The following TTC38 variants were observed in gnomAD, a reference collection of about 807,000 sequenced individuals.
The protein encoded by TTC38 is tetratricopeptide repeat domain 38, also known as tetratricopeptide repeat protein 38.
A neutral mutation model predicts 64.2 loss-of-function variants in TTC38; 64 were observed. The observed-to-expected ratio is 1.00, with a 90% CI of 0.81 to 1.23. TTC38 has a LOEUF of 1.23. Among genes scored for constraint, TTC38 ranks in the 50% most tolerant of loss-of-function variants. The pLI, the probability that TTC38 is intolerant of heterozygous loss-of-function variation, is 0.00. For synonymous variants in TTC38, 254 were observed against 249.3 expected (o/e 1.02, Z -0.18); for missense variants, 573 against 615.5 (o/e 0.93, Z 0.73).
Position 46,276,881 on chromosome 22 carries a change from T to G in TTC38, c.539+1460T>G, listed in dbSNP as rs2077494199. ...TAAAAAATACTTTCACCGCAACACC[T>G]AGACTGGTGTTTCGCCAAACAGCTG... is the stretch of plus-strand genomic sequence containing the variant. On this transcript the variant is annotated intron_variant, in intron 5 of 13. Coordinates refer to ENST00000381031, the MANE Select transcript of TTC38 (RefSeq NM_017931.4). This position sits in a 1 kb window ranked among gnomAD's most constrained non-coding sequence, Gnocchi z 4.7. Among the ~76,000 whole-genome samples, 2 of 147,468 alleles carry G rather than the reference T, an allele frequency of 1.4e-5. No individual in the cohort carries two copies. Among genetic ancestry groups the G allele is most frequent in the South Asian group, 4.2e-4 (2 of 4,754 alleles).
Position 46,275,112 on chromosome 22 carries a change from C to A in TTC38, c.366-136C>A. 1 of 822,848 alleles carries A rather than the reference C, an allele frequency of 1.2e-6. No individual in the cohort carries two copies. The highest frequency in any genetic ancestry group is 1.9e-6 in the Non-Finnish European group (1 of 536,304). The allele number at this position is 822,848 out of a possible 1,614,324, so 51.0% of individuals were successfully genotyped here. A position where few individuals can be genotyped will look rare whatever the true frequency, so the allele number is the denominator to read the frequency against. ...CTGGGATTACAGGCATAAGCCACCG[C>A]ACCCAGTCAGAAACTGATTTTTAAA... On this transcript the variant is annotated intron_variant, in intron 4 of 13. Coordinates refer to ENST00000381031, the MANE Select transcript of TTC38 (RefSeq NM_017931.4). The surrounding 1 kb of genome is among the most constrained non-coding windows in gnomAD (Gnocchi z 4.5).
rs913246064 is a variant in TTC38, at chr22:46,270,766, G to A, written c.112-1569G>A. Among the ~76,000 whole-genome samples the A allele has an allele frequency of 6.6e-6, 1 of 152,144 alleles. No homozygotes were observed. The highest frequency in any genetic ancestry group is 1.5e-5 in the Non-Finnish European group (1 of 68,022). ...AGAGGAATTCTTGAACCAGGGAGGT[G>A]GAGGTTGTAGTGAGCTGAGATAGTG... On this transcript the variant is annotated intron_variant, in intron 2 of 13. Coordinates refer to ENST00000381031, the MANE Select transcript of TTC38 (RefSeq NM_017931.4). The surrounding 1 kb of genome is among the most constrained non-coding windows in gnomAD (Gnocchi z 4.7).
At chr22:46,287,940 A>G (rs529497385) in intron 10 of TTC38, among the ~76,000 whole-genome samples, 154 of 152,334 alleles carry the variant, frequency 1.0e-3, no homozygotes, top group African/African-American at 3.4e-3. Context: ...CTGCGGGACA[A>G]GGGGCTGGAG....
At chr22:46,269,461 G>A (rs1026323642) in intron 2 of TTC38, among the ~76,000 whole-genome samples, 9 of 152,204 alleles carry the variant, frequency 5.9e-5, no homozygotes, top group Admixed American at 2.0e-4. Context: ...GAACCTACTT[G>A]ACTTGAAGGT....
chr22:46,275,541 T>G lies in TTC38; in HGVS notation c.539+120T>G. ...AATGGGACCACTGTTGCTATTCTCC[T>G]AGTTCCTTAAAGTTCAAAGGCCTCA... On this transcript the variant is annotated intron_variant, in intron 5 of 13. Transcript: ENST00000381031. This position sits in a 1 kb window ranked among gnomAD's most constrained non-coding sequence, Gnocchi z 4.5. The G allele has an allele frequency of 9.6e-7, 1 of 1,042,580 alleles. No homozygotes were observed. Among genetic ancestry groups the G allele is most frequent in the Non-Finnish European group, 1.4e-6 (1 of 723,288 alleles). 64.6% of individuals were successfully genotyped at this position (1,042,580 alleles called of 1,614,324 possible).
intron 2 of TTC38, chr22:46,268,914 C>G: frequency 2.9e-6 from 1 of 347,974 alleles, no homozygotes; most frequent in Non-Finnish European, 5.6e-6. Context: ...GTCTCGATCT[C>G]CTGACCTCGT....
chr22:46,292,641 C>A lies in TTC38; in HGVS notation c.1317-150C>A. ...ATCCTCACCTCTCCCCAAACTGAGG[C>A]CAGGCCTCCTGCCCCTGGGCCTTGG... On this transcript the variant is annotated intron_variant, in intron 13 of 13. Coordinates refer to ENST00000381031, the MANE Select transcript of TTC38 (RefSeq NM_017931.4). The surrounding 1 kb of genome is among the most constrained non-coding windows in gnomAD (Gnocchi z 6.5). 1.5e-6 allele frequency: 1 copy of A among 686,702 alleles called. No individual in the cohort carries two copies. The highest frequency in any genetic ancestry group is 2.5e-6 in the Non-Finnish European group (1 of 394,974). 42.5% of individuals were successfully genotyped at this position (686,702 alleles called of 1,614,324 possible). A position where few individuals can be genotyped will look rare whatever the true frequency, so the allele number is the denominator to read the frequency against.
In TTC38 at chr22:46,287,133, C is replaced by A. The variant is rs761732153; in HGVS notation, c.895C>A (p.Leu299Ile). The change falls in exon 10 of 14, where the codon CTC becomes ATC. Residue 299 changes from leucine (L) to isoleucine (I), a missense_variant. Coordinates refer to ENST00000381031, the MANE Select transcript of TTC38 (RefSeq NM_017931.4). ...GGACGTGGTGGACAGCTGCTCCATGCTCTACCGCCTGCAGATGGAAGGTAG... is the reference window on the plus strand; with the variant it reads ...GGACGTGGTGGACAGCTGCTCCATGATCTACCGCCTGCAGATGGAAGGTAG... ...MLDVVDSCSM[L>I]YRLQMEGVSV... 5.0e-6 allele frequency: 8 copies of A among 1,603,924 alleles called. No individual in the cohort carries two copies. In the Admixed American group the frequency reaches 5.0e-5, roughly 10 times the overall value.
At chr22:46,289,673 C>T (rs1011935386) in intron 12 of TTC38, 112 bp downstream of exon 12, 17 of 1,452,332 alleles carry the variant, frequency 1.2e-5, no homozygotes, top group East Asian at 4.6e-5. Context: ...TGGGTGTGAA[C>T]GTGTCTCTCA....
rs1188230457 is a variant in TTC38 at position 46,273,100 on chromosome 22, A to G, written c.193+684A>G. ...GACTTGTACTGCCCTGGAGAAGACA[A>G]ACAAGGAAATAACTGGGGGAGAACG... is the stretch of plus-strand genomic sequence containing the variant. On this transcript the variant is annotated intron_variant, in intron 3 of 13. Transcript: ENST00000381031. The surrounding 1 kb of genome is among the most constrained non-coding windows in gnomAD (Gnocchi z 5.1). Among the ~76,000 whole-genome samples the G allele has an allele frequency of 6.6e-6, 1 of 152,206 alleles. No individual in the cohort carries two copies. The highest frequency in any genetic ancestry group is 1.9e-4 in the East Asian group (1 of 5,198).
At chr22:46,287,453 C>T (rs1003402099) in intron 10 of TTC38, among the ~76,000 whole-genome samples, 2 of 152,266 alleles carry the variant, frequency 1.3e-5, no homozygotes, top group African/African-American at 4.8e-5. Context: ...GGCTGGCCTG[C>T]CTGCCAAACC....
In TTC38 at chr22:46,275,719, C is replaced by T. The variant is rs772160429; in HGVS notation, c.539+298C>T. ...AAAGGTTTATTTTTCACTCATACTA[C>T]GTGGCTACCTTAGAAGGGCTGAGGG... On this transcript the variant is annotated intron_variant, in intron 5 of 13. Coordinates refer to ENST00000381031, the MANE Select transcript of TTC38 (RefSeq NM_017931.4). The surrounding 1 kb of genome is among the most constrained non-coding windows in gnomAD (Gnocchi z 4.5). Among the ~76,000 whole-genome samples, 9 of 152,204 alleles carry T rather than the reference C, an allele frequency of 5.9e-5. No individual in the cohort carries two copies. The highest frequency in any genetic ancestry group is 3.8e-4 in the East Asian group (2 of 5,206).
chr22:46,292,742 C>T lies in TTC38; in HGVS notation c.1317-49C>T. The stretch of plus-strand genomic sequence containing the variant: ...GGGACCAAGGGACCACCAGGCCCCA[C>T]ATCCCTCTAGAAGGTTCTGTAACAG... On this transcript the variant is annotated intron_variant, in intron 13 of 13. Coordinates refer to ENST00000381031, the MANE Select transcript of TTC38 (RefSeq NM_017931.4). This position sits in a 1 kb window ranked among gnomAD's most constrained non-coding sequence, Gnocchi z 6.5. 1 of 1,532,288 alleles carries T rather than the reference C, an allele frequency of 6.5e-7. No individual in the cohort carries two copies. 94.9% of individuals were successfully genotyped at this position (1,532,288 alleles called of 1,614,324 possible).
rs1320453634 is a variant in TTC38, at chr22:46,282,240, G to A, written c.735+522G>A. The stretch of plus-strand genomic sequence containing the variant: ...CTCCAAGGCCTACAGTGGCCTGTGA[G>A]GGAGAGGAGAGCTGCTTACTTTGGT... On this transcript the variant is annotated intron_variant, in intron 7 of 13. Coordinates refer to ENST00000381031, the MANE Select transcript of TTC38 (RefSeq NM_017931.4). This position sits in a 1 kb window ranked among gnomAD's most constrained non-coding sequence, Gnocchi z 4.4. 1.2e-4 allele frequency: 35 copies of A among 288,110 alleles called. 2 individuals carry two copies. Among genetic ancestry groups the A allele is most frequent in the South Asian group, 1.0e-3 (35 of 34,346 alleles). 17.8% of individuals were successfully genotyped at this position (288,110 alleles called of 1,614,324 possible).
rs76417847 is a variant in TTC38, at chr22:46,291,570, C to A, written c.1317-1221C>A. Among the ~76,000 whole-genome samples the A allele has an allele frequency of 8.3e-3, 1,268 of 152,302 alleles. 11 individuals carry two copies. The highest frequency in any genetic ancestry group is 0.031 in the Middle Eastern group (9 of 294). On this transcript the variant is annotated intron_variant, in intron 13 of 13. Transcript: ENST00000381031. This position sits in a 1 kb window ranked among gnomAD's most constrained non-coding sequence, Gnocchi z 4.6. ...GTGCCCCCCACAATGAGTTCCCGGC[C>A]CCAGCCCCTTCACACCACCCACGCC...
Position 46,288,451 on chromosome 22 carries a change from T to C in TTC38, c.945T>C (p.Asp315=). Residue 315 remains aspartate (D), a synonymous_variant, in exon 11 of 14, where the codon GAT becomes GAC. Coordinates refer to ENST00000381031, the MANE Select transcript of TTC38 (RefSeq NM_017931.4). ...EGVSVGQRWQ[D]VLPVARKHSR... ...TGTCTGTGGGCCAGCGGTGGCAGGA[T>C]GTCCTGCCTGTGGCCCGGAAGCACA... 1 of 1,613,906 alleles carries C rather than the reference T, an allele frequency of 6.2e-7. No individual in the cohort carries two copies. The highest frequency in any genetic ancestry group is 8.5e-7 in the Non-Finnish European group (1 of 1,179,868).
intron 1 of TTC38, 144 bp downstream of exon 1, chr22:46,268,216 C>T (rs1936805985): frequency 2.1e-6 from 2 of 936,992 alleles, no homozygotes; most frequent in Admixed American, 3.0e-5. Flanking sequence ...GCGGCAACGC[C>T]TGGAAGGGAC....
At chr22:46,286,192 A>G (rs1276801559) in intron 9 of TTC38, among the ~76,000 whole-genome samples, 8 of 148,506 alleles carry the variant, frequency 5.4e-5, no homozygotes, top group Admixed American at 1.3e-4. Context: ...GAGAGGGGGA[A>G]AAAAAAAAGC....
rs1350513410 is a variant in TTC38 at position 46,281,166 on chromosome 22, G to A, written c.616-433G>A. Among the ~76,000 whole-genome samples, 2 of 152,342 alleles carry A rather than the reference G, an allele frequency of 1.3e-5. No homozygotes were observed. The highest frequency in any genetic ancestry group is 3.4e-3 in the Middle Eastern group (1 of 294). ...TGGAGGACTTGATAGTTCACACCAC[G>A]TTCACATGGGCAGTAACCACTTCTC... On this transcript the variant is annotated intron_variant, in intron 6 of 13. Coordinates refer to ENST00000381031, the MANE Select transcript of TTC38 (RefSeq NM_017931.4). The surrounding 1 kb of genome is among the most constrained non-coding windows in gnomAD (Gnocchi z 5.2).
Sources: gnomAD v4.1 joint callset for allele counts (sites outside exome capture counted in the v4.1 genomes callset) on GRCh38, gnomAD v4.1.1 for gene constraint, Gnocchi (gnomAD v3.1) non-coding constraint, MANE v1.5 for transcripts, NCBI Gene and HGNC (gene_info 2026-07-23, HGNC 2026-07-21) for gene names.